Variants in KAZN observed in about 807,000 individuals in gnomAD.
KAZN encodes the protein kazrin.
Under a neutral mutation model 87.4 loss-of-function variants are expected in KAZN, and 40 were observed. That is an observed-to-expected ratio of 0.46 (90% CI 0.36 to 0.60). KAZN has a LOEUF of 0.60. Ranked by LOEUF, KAZN falls within the 20% of genes least tolerant of loss-of-function variation. The pLI is 0.00. For missense variants in KAZN, 898 were observed against 1,073.9 expected (o/e 0.84, Z 2.29); for synonymous variants, 466 against 458.3 (o/e 1.02, Z -0.22).
At chr1:14,722,091 G>GC (rs1438910221) in intron 1 of KAZN, among the ~76,000 whole-genome samples, 1 of 151,970 alleles carries the variant, frequency 6.6e-6, no homozygotes, top group Non-Finnish European at 1.5e-5. Flanking sequence ...GGCGGAGGTT[G>GC]CAGTGAGCTG....
At chr1:14,324,661 AG>A (rs1159419293) in intron 2 of KAZN, among the ~76,000 whole-genome samples, 3 of 151,968 alleles carry the variant, frequency 2.0e-5, no homozygotes, top group Non-Finnish European at 4.4e-5. Context: ...GTTTCTGCAA[AG>A]GGGGGGAAGT....
chr1:14,355,937 T>C (rs1452779485), intron 2 of KAZN, among the ~76,000 whole-genome samples: 1 of 152,212 alleles, frequency 6.6e-6, no homozygotes, highest in East Asian at 1.9e-4. Context: ...ATACTTTGGG[T>C]ATATACCCAG....
intron 1 of KAZN, among the ~76,000 whole-genome samples, chr1:14,848,570 G>A (rs1649055633): frequency 6.6e-6 from 1 of 152,328 alleles, no homozygotes; most frequent in East Asian, 1.9e-4. Flanking sequence ...AGCGTGTGGG[G>A]TGCAAGGAGC....
rs142652654 is a variant in KAZN, at chr1:14,046,607, C to A, written c.92-133828C>A. On this transcript the variant is annotated intron_variant, in intron 1 of 16. Transcript: ENST00000636203. ...TTGGAGAGAGCTACATGGATCAGACCCATGAGTGAACTCTCAGACAGTCCC... is the reference window on the plus strand; with the variant it reads ...TTGGAGAGAGCTACATGGATCAGACACATGAGTGAACTCTCAGACAGTCCC... Among the ~76,000 whole-genome samples, 1,409 of 152,214 alleles carry A rather than the reference C, an allele frequency of 9.3e-3. 17 individuals carry two copies. Among genetic ancestry groups the A allele is most frequent in the African/African-American group, 0.033 (1,355 of 41,528 alleles).
intron 1 of KAZN, among the ~76,000 whole-genome samples, chr1:14,888,112 A>T (rs565796860): frequency 6.6e-6 from 1 of 152,310 alleles, no homozygotes; most frequent in South Asian, 2.1e-4. Context: ...GAAATCAAGC[A>T]ATCGGGACAT....
chr1:14,806,294 T>G (rs1447540720), intron 1 of KAZN, among the ~76,000 whole-genome samples: 2 of 152,226 alleles, frequency 1.3e-5, no homozygotes, highest in African/African-American at 4.8e-5. Context: ...TAGACATGAT[T>G]GACACTCCCT....
intron 2 of KAZN, among the ~76,000 whole-genome samples, chr1:15,006,301 G>C (rs909598665): frequency 6.6e-6 from 1 of 152,184 alleles, no homozygotes; most frequent in African/African-American, 2.4e-5. Flanking sequence ...TCTTTGCTAG[G>C]CTTAGGGAAG....
At chr1:14,771,916 T>A (rs1171513912) in intron 1 of KAZN, among the ~76,000 whole-genome samples, 1 of 151,952 alleles carries the variant, frequency 6.6e-6, no homozygotes, top group Non-Finnish European at 1.5e-5. Context: ...AGAGATGAGA[T>A]CAAGGATATG....
chr1:14,094,114 A>G (rs2101627125), intron 1 of KAZN, among the ~76,000 whole-genome samples: 1 of 152,260 alleles, frequency 6.6e-6, no homozygotes, highest in South Asian at 2.1e-4. Flanking sequence ...GCCTTGGGGA[A>G]GAGGGATTCT....
At chr1:14,771,057 C>T (rs562847750) in intron 1 of KAZN, among the ~76,000 whole-genome samples, 28 of 152,268 alleles carry the variant, frequency 1.8e-4, no homozygotes, top group African/African-American at 3.4e-4. Flanking sequence ...TTACCCTTCC[C>T]GCCATCCCCA....
At chr1:14,001,343 C>G (rs10927991) in intron 1 of KAZN, among the ~76,000 whole-genome samples, 22,038 of 151,838 alleles carry the variant, frequency 0.15, 1,683 homozygotes, top group Middle Eastern at 0.23. Context: ...ACTGTTCAAG[C>G]AAATAAGAAA....
intron 1 of KAZN, among the ~76,000 whole-genome samples, chr1:14,654,302 A>AT (rs1215433344): frequency 6.6e-6 from 1 of 151,900 alleles, no homozygotes; most frequent in African/African-American, 2.4e-5. Flanking sequence ...AAAAAAAAAA[A>AT]AAAAAATCTC....
chr1:14,926,384 A>C (rs1431898666), intron 1 of KAZN, among the ~76,000 whole-genome samples: 1 of 152,182 alleles, frequency 6.6e-6, no homozygotes, highest in East Asian at 1.9e-4. Context: ...TAGCCCAGGA[A>C]TGCCTGTTTC....
intron 2 of KAZN, among the ~76,000 whole-genome samples, chr1:14,249,939 G>C (rs1280724119): frequency 1.3e-5 from 2 of 151,790 alleles, no homozygotes; most frequent in African/African-American, 2.4e-5. Flanking sequence ...GGCATAACCT[G>C]ATACTACTCG....
intron 1 of KAZN, among the ~76,000 whole-genome samples, chr1:14,904,507 G>T (rs1472308606): frequency 6.6e-6 from 1 of 152,192 alleles, no homozygotes; most frequent in Admixed American, 6.5e-5. Flanking sequence ...ACGTCAGCTT[G>T]TAAGATGCGG....
At chr1:15,046,115 C>T (rs565085186) in intron 4 of KAZN, among the ~76,000 whole-genome samples, 357 of 152,098 alleles carry the variant, frequency 2.3e-3, no homozygotes, top group Non-Finnish European at 3.7e-3. Context: ...CTGGCTAACA[C>T]GGTGTAACCT....
intron 2 of KAZN, among the ~76,000 whole-genome samples, chr1:14,979,254 C>T (rs1275711070): frequency 1.3e-5 from 2 of 149,894 alleles, no homozygotes; most frequent in African/African-American, 4.9e-5. Flanking sequence ...ACTAAAAATG[C>T]AAAAATCTGC....
intron 1 of KAZN, among the ~76,000 whole-genome samples, chr1:14,607,522 T>C (rs1244200590): frequency 6.6e-6 from 1 of 152,258 alleles, no homozygotes; most frequent in Non-Finnish European, 1.5e-5. Context: ...AGGATTTGCA[T>C]GTCAGACACT....
intron 1 of KAZN, among the ~76,000 whole-genome samples, chr1:13,985,260 G>A (rs1006981035): frequency 6.6e-6 from 1 of 151,632 alleles, no homozygotes; most frequent in Non-Finnish European, 1.5e-5. Flanking sequence ...CAATGTGCAG[G>A]TTAGTTACAT....
Sources: gnomAD v4.1 joint callset for allele counts (sites outside exome capture counted in the v4.1 genomes callset) on GRCh38, gnomAD v4.1.1 for gene constraint, MANE v1.5 for transcripts, NCBI Gene and HGNC (gene_info 2026-07-23, HGNC 2026-07-21) for gene names.